NREP: variants seen among roughly 807,000 people sequenced by gnomAD.
NREP encodes the protein neuronal regeneration related protein.
In NREP, 5 loss-of-function variants were observed where a neutral mutation model predicts 8.6. That is an observed-to-expected ratio of 0.58 (90% CI 0.30 to 1.22). The LOEUF (loss-of-function observed/expected upper bound fraction) is 1.22. Ranked by LOEUF, NREP falls within the 50% of genes most tolerant of loss-of-function variation. The pLI is 0.07. For missense variants in NREP, 86 were observed against 82.5 expected, an observed-to-expected ratio of 1.04 and a Z score of -0.17; for synonymous variants, 27 against 28.0, an observed-to-expected ratio of 0.96 and a Z score of 0.11.
intron 2 of NREP, among the ~76,000 whole-genome samples, chr5:111,907,826 G>A (rs528755009): frequency 6.6e-6 from 1 of 151,934 alleles, no homozygotes; most frequent in Non-Finnish European, 1.5e-5. Context: ...GGTGGATGAA[G>A]TGTTCCTCTC....
At chr5:111,869,627 A>T (rs1437290834) in intron 2 of NREP, among the ~76,000 whole-genome samples, 1 of 152,178 alleles carries the variant, frequency 6.6e-6, no homozygotes, top group Non-Finnish European at 1.5e-5. Context: ...CTGGGTTCAA[A>T]TGCTCATGTG....
intron 2 of NREP, among the ~76,000 whole-genome samples, chr5:111,778,480 G>T (rs1041012202): frequency 6.6e-6 from 1 of 152,064 alleles, no homozygotes; most frequent in Non-Finnish European, 1.5e-5. Context: ...TGTCCTTTTT[G>T]TCTATTTCAT....
rs1295286536 is a variant in NREP, at chr5:111,730,304, A to AT, written c.*616dup. The AT allele has an allele frequency of 6.6e-6, 1 of 152,614 alleles. No homozygotes were observed. The highest frequency in any genetic ancestry group is 2.4e-5 in the African/African-American group (1 of 41,436). 9.5% of individuals were successfully genotyped at this position (152,614 alleles called of 1,614,324 possible). ...ACCAACACCTTCTTAGAACATGGAA[A>AT]TAAAAAATAACTCCATCAGAGCTAC... is the stretch of plus-strand genomic sequence containing the variant. On this transcript the variant is annotated 3_prime_UTR_variant, in exon 4 of 4. Transcript: ENST00000257435.
chr5:111,763,315 T>C (rs1015950405), intron 2 of NREP, among the ~76,000 whole-genome samples: 12 of 152,192 alleles, frequency 7.9e-5, no homozygotes, highest in African/African-American at 2.9e-4. Flanking sequence ...TTGTGAAATA[T>C]GAATGCAAAA....
At chr5:111,844,360 G>A (rs550706538) in intron 2 of NREP, among the ~76,000 whole-genome samples, 3 of 151,854 alleles carry the variant, frequency 2.0e-5, no homozygotes, top group African/African-American at 7.2e-5. Context: ...ATGTTAAAGT[G>A]TTCAAAATTT....
chr5:111,847,503 A>G (rs1436426577), intron 2 of NREP, among the ~76,000 whole-genome samples: 2 of 152,188 alleles, frequency 1.3e-5, no homozygotes, highest in African/African-American at 4.8e-5. Context: ...CACATATTAC[A>G]TTTAACAAAC....
intron 2 of NREP, among the ~76,000 whole-genome samples, chr5:111,777,342 G>C (rs1201642004): frequency 6.7e-6 from 1 of 148,588 alleles, no homozygotes; most frequent in Non-Finnish European, 1.5e-5. Context: ...TGTGTGGTGT[G>C]GGTGTGTGTG....
chr5:111,740,012 G>GT (rs1749509507), intron 2 of NREP, among the ~76,000 whole-genome samples: 1 of 148,470 alleles, frequency 6.7e-6, no homozygotes, highest in Non-Finnish European at 1.5e-5. Flanking sequence ...AAAAATGCTA[G>GT]TTAAAAAAAA....
chr5:111,912,093 C>G (rs1247264300), intron 2 of NREP, among the ~76,000 whole-genome samples: 1 of 152,080 alleles, frequency 6.6e-6, no homozygotes, highest in Non-Finnish European at 1.5e-5. Context: ...AAATTTTATG[C>G]TAGAATATCT....
chr5:111,806,697 G>A (rs1438259207), intron 2 of NREP, among the ~76,000 whole-genome samples: 2 of 151,898 alleles, frequency 1.3e-5, no homozygotes, highest in African/African-American at 4.8e-5. Context: ...TTGTATTCTG[G>A]TGCCAATCTA....
rs190165892 is a variant in NREP, at chr5:111,822,471, G to A, written c.136-86964C>T. Among the ~76,000 whole-genome samples, 6 of 152,302 alleles carry A rather than the reference G, an allele frequency of 3.9e-5. No individual in the cohort carries two copies. In the East Asian group the frequency reaches 5.8e-4, roughly 15 times the overall value. On this transcript the variant is annotated intron_variant, in intron 2 of 3. Coordinates refer to the NREP transcript ENST00000395634. ...TCGGTAAACATCCAGGCTATCAATC[G>A]GGATTCCTGAAAGGCTTACATGCTA...
At chr5:111,907,580 T>A (rs968967670) in intron 2 of NREP, among the ~76,000 whole-genome samples, 1 of 152,152 alleles carries the variant, frequency 6.6e-6, no homozygotes, top group Non-Finnish European at 1.5e-5. Flanking sequence ...TTGGTTATTA[T>A]AACTTTATTG....
chr5:111,806,262 C>T (rs2047979280), intron 2 of NREP, among the ~76,000 whole-genome samples: 2 of 152,126 alleles, frequency 1.3e-5, no homozygotes, highest in Non-Finnish European at 2.9e-5. Context: ...ACCCAACTAT[C>T]CCTATGAATG....
chr5:111,962,955 C>T (rs971002042), intron 2 of NREP, among the ~76,000 whole-genome samples: 1 of 152,248 alleles, frequency 6.6e-6, no homozygotes, highest in Non-Finnish European at 1.5e-5. Context: ...AGTGTCCATG[C>T]AACTTCATCC....
intron 2 of NREP, among the ~76,000 whole-genome samples, chr5:111,838,029 G>A (rs989050468): frequency 2.6e-5 from 4 of 151,934 alleles, no homozygotes; most frequent in Non-Finnish European, 4.4e-5. Flanking sequence ...ACAGGGGTTA[G>A]ATTAGCACTA....
chr5:111,944,589 G>C (rs1344063175), intron 2 of NREP, among the ~76,000 whole-genome samples: 1 of 152,168 alleles, frequency 6.6e-6, no homozygotes. Flanking sequence ...TTACAGGCAT[G>C]GGCCATGACA....
intron 2 of NREP, among the ~76,000 whole-genome samples, chr5:111,840,227 CA>C (rs544061405): frequency 7.1e-4 from 106 of 149,762 alleles, no homozygotes; most frequent in Non-Finnish European, 1.3e-3. Context: ...GCTCATGACT[CA>C]AAAAAAAAGA....
At chr5:111,866,502 T>G (rs573681335) in intron 2 of NREP, among the ~76,000 whole-genome samples, 12 of 152,226 alleles carry the variant, frequency 7.9e-5, no homozygotes, top group African/African-American at 2.9e-4. Context: ...AAACAACAGG[T>G]GCTGGACAGG....
At chr5:111,965,557 C>T (rs1561372800) in intron 2 of NREP, among the ~76,000 whole-genome samples, 1 of 152,150 alleles carries the variant, frequency 6.6e-6, no homozygotes, top group Non-Finnish European at 1.5e-5. Flanking sequence ...CCACAATTAA[C>T]TCATGGCCCA....
Sources: gnomAD v4.1 joint callset for allele counts (sites outside exome capture counted in the v4.1 genomes callset) on GRCh38, gnomAD v4.1.1 for gene constraint, MANE v1.5 for transcripts, NCBI Gene and HGNC (gene_info 2026-07-23, HGNC 2026-07-21) for gene names.